Variants in TENM2 observed in about 807,000 individuals in gnomAD.
TENM2 encodes teneurin transmembrane protein 2.
Under a neutral mutation model 245.2 loss-of-function variants are expected in TENM2, and 52 were observed. That is an observed-to-expected ratio of 0.21 (90% CI 0.17 to 0.27). The LOEUF (loss-of-function observed/expected upper bound fraction) is 0.27, where lower values mean the gene tolerates loss of function less well. TENM2 is among the 10% of genes least tolerant of loss of function. TENM2 has a pLI of 1.00. For missense variants in TENM2, 3,046 were observed against 3,666.8 expected (o/e 0.83, Z 4.37); for synonymous variants, 1,363 against 1,438.9 (o/e 0.95, Z 1.19).
At chr5:168,071,509 T>G (rs1203018483) in intron 7 of TENM2, among the ~76,000 whole-genome samples, 1 of 152,200 alleles carries the variant, frequency 6.6e-6, no homozygotes, top group Non-Finnish European at 1.5e-5. Flanking sequence ...ACACACAAAC[T>G]ATTTTTACCC....
chr5:167,292,469 A>T lies in TENM2; in HGVS notation c.226+7406A>T, dbSNP rs549089782. ...CATTTATCTCAGTTTCAAGTTTCTC[A>T]TTCCATGGGCAGCTTCCAATATTTC... On this transcript the variant is annotated intron_variant, in intron 1 of 28. Coordinates refer to ENST00000518659, the Ensembl canonical transcript of TENM2. Among the ~76,000 whole-genome samples, 31 of 152,230 alleles carry T rather than the reference A, an allele frequency of 2.0e-4. 1 individual carries two copies. The South Asian group carries it at 6.4e-3, about 32-fold the overall frequency.
At chr5:168,123,858 A>G (rs1293168006) in intron 10 of TENM2, among the ~76,000 whole-genome samples, 1 of 152,216 alleles carries the variant, frequency 6.6e-6, no homozygotes, top group Admixed American at 6.5e-5. Context: ...GAGAATACAT[A>G]GGAATACATA....
At chr5:168,084,455 G>T (rs1310299158) in intron 7 of TENM2, among the ~76,000 whole-genome samples, 4 of 152,302 alleles carry the variant, frequency 2.6e-5, no homozygotes, top group East Asian at 1.9e-4. Flanking sequence ...ATTTTGACTT[G>T]TGTGAGATAG....
chr5:167,362,144 A>C (rs1346563211), intron 1 of TENM2, among the ~76,000 whole-genome samples: 1 of 152,216 alleles, frequency 6.6e-6, no homozygotes, highest in East Asian at 1.9e-4. Context: ...TTTGGAACAC[A>C]GGAAGCAAGG....
chr5:167,576,689 A>G (rs1774713291), intron 2 of TENM2, among the ~76,000 whole-genome samples: 2 of 152,356 alleles, frequency 1.3e-5, no homozygotes, highest in Middle Eastern at 3.4e-3. Flanking sequence ...TACCCTGAGA[A>G]GAGTAATGAT....
intron 2 of TENM2, among the ~76,000 whole-genome samples, chr5:167,672,689 G>A (rs975435282): frequency 2.0e-5 from 3 of 152,024 alleles, no homozygotes; most frequent in East Asian, 1.9e-4. Context: ...GTGTTAACGC[G>A]GTGGATTCCT....
At chr5:167,241,287 GA>G in the TENM2 span, among the ~76,000 whole-genome samples, 3 of 151,668 alleles carry the variant, frequency 2.0e-5, no homozygotes, top group East Asian at 1.9e-4. Flanking sequence ...TGCAATAATA[GA>G]AAAAAAAGTC....
rs375600130 is a variant in TENM2, at chr5:167,409,314, A to C, written c.502+33841A>C. Among the ~76,000 whole-genome samples the C allele has an allele frequency of 5.3e-5, 8 of 152,108 alleles. No individual in the cohort carries two copies. In the East Asian group the frequency reaches 9.7e-4, roughly 18 times the overall value. On this transcript the variant is annotated intron_variant, in intron 2 of 28. Coordinates refer to ENST00000518659, the Ensembl canonical transcript of TENM2. Reference sequence around the variant, plus strand: ...AGTTTGATTTCTCTCAGCTTTTAGCACTCAAGAAAATGTGATGAGAATGTC... The same window carrying C: ...AGTTTGATTTCTCTCAGCTTTTAGCCCTCAAGAAAATGTGATGAGAATGTC...
At chr5:167,245,559 A>G in the TENM2 span, among the ~76,000 whole-genome samples, 1 of 151,526 alleles carries the variant, frequency 6.6e-6, no homozygotes, top group East Asian at 1.9e-4. Flanking sequence ...AGAACAGTAT[A>G]CAAAGAATGC....
At chr5:167,375,278 C>T (rs1314720580) in exon 2 of TENM2, 1 of 1,551,738 alleles carries the variant, frequency 6.4e-7, no homozygotes, top group East Asian at 2.4e-5. Flanking sequence ...CATGGGGATC[C>T]TTCACCAGGG....
the TENM2 span, among the ~76,000 whole-genome samples, chr5:167,171,977 T>C: frequency 6.6e-6 from 1 of 152,200 alleles, no homozygotes; most frequent in Non-Finnish European, 1.5e-5. Context: ...TGTGATATTC[T>C]ACCCTGCATG....
At chr5:167,430,323 A>G (rs190165348) in intron 2 of TENM2, among the ~76,000 whole-genome samples, 3 of 152,180 alleles carry the variant, frequency 2.0e-5, no homozygotes, top group African/African-American at 7.2e-5. Context: ...GTAGAGATTA[A>G]ATAAAATAAT....
At chr5:167,755,309 T>A in intron 2 of TENM2, 1 of 693,034 alleles carries the variant, frequency 1.4e-6, no homozygotes, top group Non-Finnish European at 2.4e-6. Flanking sequence ...GATGGGAGAC[T>A]TGACGGTGAA....
intron 25 of TENM2, among the ~76,000 whole-genome samples, chr5:168,239,231 T>C (rs186315170): frequency 6.4e-4 from 97 of 152,292 alleles, no homozygotes; most frequent in African/African-American, 2.0e-3. Context: ...GAAATTTGAT[T>C]AGATTACACA....
chr5:168,154,985 C>T (rs552144460), intron 12 of TENM2, among the ~76,000 whole-genome samples: 4 of 152,334 alleles, frequency 2.6e-5, no homozygotes, highest in South Asian at 4.1e-4. Flanking sequence ...TGCGTGTCCA[C>T]GCCATTTGTG....
In TENM2 at chr5:168,182,825, C is replaced by CTTT. The variant is rs149579948; in HGVS notation, c.2570-7491_2570-7489dup. ...CCCTGTTCCTCCCCTTCAGGGTGCTCTTTTTTTTTTTTTTTTTTTTTTTGA... is the reference window on the plus strand; with the variant it reads ...CCCTGTTCCTCCCCTTCAGGGTGCTCTTTTTTTTTTTTTTTTTTTTTTTTTTGA... On this transcript the variant is annotated intron_variant, in intron 13 of 28. Coordinates refer to ENST00000518659, the Ensembl canonical transcript of TENM2. Among the ~76,000 whole-genome samples the CTTT allele has an allele frequency of 1.6e-3, 161 of 100,690 alleles. 2 individuals carry two copies. The highest frequency in any genetic ancestry group is 3.2e-3 in the East Asian group (11 of 3,406). The allele number at this position is 100,690 out of a possible 152,430, so 66.1% of individuals were successfully genotyped here. A position where few individuals can be genotyped will look rare whatever the true frequency, so the allele number is the denominator to read the frequency against.
chr5:168,241,919 G>A (rs73391714), intron 25 of TENM2, among the ~76,000 whole-genome samples: 2,594 of 152,236 alleles, frequency 0.017, 71 homozygotes, highest in African/African-American at 0.057. Context: ...AAGGAGCTTA[G>A]GGAAAGCAAT....
intron 3 of TENM2, among the ~76,000 whole-genome samples, chr5:167,944,997 A>T (rs908968564): frequency 2.6e-5 from 4 of 152,302 alleles, no homozygotes; most frequent in African/African-American, 9.6e-5. Flanking sequence ...GAAATGAGGG[A>T]ATTAAGTGGG....
chr5:167,640,604 A>T (rs1331678383), intron 2 of TENM2, among the ~76,000 whole-genome samples: 2 of 146,164 alleles, frequency 1.4e-5, no homozygotes, highest in East Asian at 4.2e-4. Context: ...GGTAAACGAG[A>T]GCGAAACTCC....
Sources: gnomAD v4.1 joint callset for allele counts (sites outside exome capture counted in the v4.1 genomes callset) on GRCh38, gnomAD v4.1.1 for gene constraint, MANE v1.5 for transcripts, NCBI Gene and HGNC (gene_info 2026-07-23, HGNC 2026-07-21) for gene names.